Variants in RAPGEF2 observed in about 807,000 individuals in gnomAD.
The protein encoded by RAPGEF2 is PDZ domain containing guanine nucleotide exchange factor (GEF) 1.
A neutral mutation model predicts 186.7 loss-of-function variants in RAPGEF2; 54 were observed. That is an observed-to-expected ratio of 0.29 (90% CI 0.23 to 0.36). The LOEUF (loss-of-function observed/expected upper bound fraction) is 0.36. Among genes scored for constraint, RAPGEF2 ranks in the 10% least tolerant of loss-of-function variants. The probability of loss-of-function intolerance (pLI) is 1.00; values close to 1 mark genes in which losing one functional copy is unlikely to be tolerated. For synonymous variants in RAPGEF2, 712 were observed against 705.9 expected, an observed-to-expected ratio of 1.01 and a Z score of -0.14; for missense variants, 1,532 against 2,045.0, an observed-to-expected ratio of 0.75 and a Z score of 4.84.
At chr4:159,227,449 A>G (rs1289351299) in intron 4 of RAPGEF2, among the ~76,000 whole-genome samples, 1 of 152,232 alleles carries the variant, frequency 6.6e-6, no homozygotes, top group Non-Finnish European at 1.5e-5. Flanking sequence ...CGTTTAACAA[A>G]AGTATATTGG....
chr4:159,241,067 T>G (rs1194510589), intron 5 of RAPGEF2, 134 bp from the exon 6 acceptor site: 1 of 659,176 alleles, frequency 1.5e-6, no homozygotes, highest in Non-Finnish European at 2.3e-6. Flanking sequence ...CACTTGAAGT[T>G]TGTCTAGATA....
At chr4:159,142,015 T>G (rs1317406026) in intron 1 of RAPGEF2, among the ~76,000 whole-genome samples, 1 of 152,238 alleles carries the variant, frequency 6.6e-6, no homozygotes. Flanking sequence ...CAAATTCCCC[T>G]GTACCTTCTG....
At chr4:159,177,073 A>G (rs1471927148) in intron 1 of RAPGEF2, among the ~76,000 whole-genome samples, 2 of 152,162 alleles carry the variant, frequency 1.3e-5, no homozygotes, top group Non-Finnish European at 1.5e-5. Flanking sequence ...ATTTCTTACC[A>G]ATGTCATTTG....
At chr4:159,328,848 T>C (rs1766286197) in intron 11 of RAPGEF2, 1 of 152,150 alleles carries the variant, frequency 6.6e-6, no homozygotes, top group Non-Finnish European at 1.5e-5. Flanking sequence ...GATGATGTTG[T>C]CATTATGATT....
At chr4:159,162,435 A>C (rs1166538876) in intron 1 of RAPGEF2, among the ~76,000 whole-genome samples, 1 of 151,914 alleles carries the variant, frequency 6.6e-6, no homozygotes, top group Non-Finnish European at 1.5e-5. Context: ...TATATTGAAA[A>C]AATTAATTAT....
At chr4:159,256,862 TCCTTTGC>T (rs1408455103) in intron 7 of RAPGEF2, among the ~76,000 whole-genome samples, 6 of 152,206 alleles carry the variant, frequency 3.9e-5, no homozygotes, top group Non-Finnish European at 8.8e-5. Flanking sequence ...TCTGTTCATG[TCCTTTGC>T]CCACTTTTTA....
chr4:159,319,265 C>G (rs1398864676), intron 9 of RAPGEF2, among the ~76,000 whole-genome samples: 1 of 152,138 alleles, frequency 6.6e-6, no homozygotes, highest in Non-Finnish European at 1.5e-5. Flanking sequence ...ACCACCTGAG[C>G]TCCACCTCCT....
At position 159,122,952 on chromosome 4, in the gene RAPGEF2, C is replaced by G. The variant is rs150774405; in HGVS notation, c.69+18721C>G. Among the ~76,000 whole-genome samples, 736 of 152,276 alleles carry G rather than the reference C, an allele frequency of 4.8e-3. 4 individuals carry two copies. The highest frequency in any genetic ancestry group is 0.017 in the African/African-American group (700 of 41,554). On this transcript the variant is annotated intron_variant, in intron 1 of 29. Transcript: ENST00000691494. Reference sequence around the variant, plus strand: ...CCAAAATTTCAGATAGGCAGTTCATCTAGCAAAGGTTATTTTTATTATTTA... The same window carrying G: ...CCAAAATTTCAGATAGGCAGTTCATGTAGCAAAGGTTATTTTTATTATTTA...
At chr4:159,243,856 C>A in intron 7 of RAPGEF2, 65 bp downstream of exon 7, 1 of 1,081,692 alleles carries the variant, frequency 9.2e-7, no homozygotes, top group Non-Finnish European at 1.3e-6. Flanking sequence ...TGCACTGTTA[C>A]TAATGAATTT....
chr4:159,350,511 A>C (rs1037291072), intron 26 of RAPGEF2, among the ~76,000 whole-genome samples: 17 of 152,192 alleles, frequency 1.1e-4, no homozygotes, highest in African/African-American at 4.1e-4. Context: ...ATTTATAACT[A>C]TAAGAAGCCT....
intron 7 of RAPGEF2, among the ~76,000 whole-genome samples, chr4:159,293,832 G>A (rs1357227792): frequency 6.6e-6 from 1 of 152,124 alleles, no homozygotes; most frequent in South Asian, 2.1e-4. Flanking sequence ...CAAAGCTTGC[G>A]TTTTCTTCCA....
chr4:159,358,102 C>T lies in RAPGEF2; in HGVS notation c.4958-12C>T. Reference sequence around the variant, plus strand: ...CTCATTGATTTCTTTTTCTTCCCTGCTGTATTTGCAGAAGATGAACAAGTT... The same window carrying T: ...CTCATTGATTTCTTTTTCTTCCCTGTTGTATTTGCAGAAGATGAACAAGTT... On this transcript the variant is annotated splice_polypyrimidine_tract_variant and intron_variant, in intron 29 of 29. Coordinates refer to ENST00000691494, the MANE Select transcript of RAPGEF2 (RefSeq NM_001394067.2). The T allele has an allele frequency of 1.9e-6, 3 of 1,610,972 alleles. No individual in the cohort carries two copies. Among genetic ancestry groups the T allele is most frequent in the Non-Finnish European group, 1.7e-6 (2 of 1,178,648 alleles).
intron 3 of RAPGEF2, among the ~76,000 whole-genome samples, chr4:159,199,835 C>T (rs1749214544): frequency 6.6e-6 from 1 of 151,856 alleles, no homozygotes; most frequent in African/African-American, 2.4e-5. Flanking sequence ...TTTCTGAGAC[C>T]CAGGTGACTC....
At chr4:159,207,304 T>C (rs1382802910) in intron 3 of RAPGEF2, among the ~76,000 whole-genome samples, 1 of 152,238 alleles carries the variant, frequency 6.6e-6, no homozygotes, top group African/African-American at 2.4e-5. Context: ...GTAAGGATGC[T>C]AGAGCATTCA....
intron 7 of RAPGEF2, among the ~76,000 whole-genome samples, chr4:159,296,437 A>G (rs1762036385): frequency 6.6e-6 from 1 of 152,214 alleles, no homozygotes. Context: ...TGTTCCATCA[A>G]TATCCATGAG....
At chr4:159,124,771 G>C (rs1410131976) in intron 1 of RAPGEF2, among the ~76,000 whole-genome samples, 5 of 152,000 alleles carry the variant, frequency 3.3e-5, no homozygotes, top group Admixed American at 3.3e-4. Context: ...AGTATCTGTT[G>C]ATGATCTTTA....
At chr4:159,215,069 G>T (rs192870690) in intron 4 of RAPGEF2, among the ~76,000 whole-genome samples, 2 of 152,258 alleles carry the variant, frequency 1.3e-5, no homozygotes, top group African/African-American at 4.8e-5. Flanking sequence ...CACCTTGTTG[G>T]CCAGGCTGCT....
rs1396261613 is a variant in RAPGEF2 at position 159,103,641 on chromosome 4, C to T, written c.-522C>T. On this transcript the variant is annotated 5_prime_UTR_variant, in exon 1 of 30. Coordinates refer to ENST00000691494, the MANE Select transcript of RAPGEF2 (RefSeq NM_001394067.2). ...GGGGACGCGGAAGATCCAAGTGATT[C>T]TCGGAGACCCCTGGGCGGCGGCTGC... 1 of 152,614 alleles carries T rather than the reference C, an allele frequency of 6.6e-6. No homozygotes were observed. The highest frequency in any genetic ancestry group is 1.5e-5 in the Non-Finnish European group (1 of 68,432). 9.5% of individuals were successfully genotyped at this position (152,614 alleles called of 1,614,324 possible).
chr4:159,285,041 A>AAAAAG (rs1343128922), intron 7 of RAPGEF2, among the ~76,000 whole-genome samples: 30 of 152,362 alleles, frequency 2.0e-4, no homozygotes, highest in Admixed American at 1.9e-3. Flanking sequence ...CCTGTCTCAA[A>AAAAAG]AAAAGAAAAG....
Sources: allele counts gnomAD v4.1 joint callset (sites outside exome capture counted in the v4.1 genomes callset), GRCh38; gene constraint gnomAD v4.1.1; transcripts MANE v1.5; gene names NCBI Gene and HGNC (gene_info 2026-07-23, HGNC 2026-07-21).